Variants in MMP26 observed in about 807,000 individuals in gnomAD.
MMP26 encodes the protein matrix metallopeptidase 26, also known as matrix metalloproteinase-26.
A neutral mutation model predicts 31.0 loss-of-function variants in MMP26; 33 were observed. That is an observed-to-expected ratio of 1.06 (90% CI 0.81 to 1.42). The LOEUF (loss-of-function observed/expected upper bound fraction) is 1.42, where lower values mean the gene tolerates loss of function less well. MMP26 is among the 40% of genes most tolerant of loss of function. The pLI is 0.00. For missense variants in MMP26, 347 were observed against 316.1 expected, an observed-to-expected ratio of 1.10 and a Z score of -0.74; for synonymous variants, 122 against 114.9, an observed-to-expected ratio of 1.06 and a Z score of -0.40.
chr11:4,988,243 T>C lies in MMP26; in HGVS notation c.32T>C (p.Phe11Ser), dbSNP rs778363481. 1 of 1,614,120 alleles carries C rather than the reference T, an allele frequency of 6.2e-7. No homozygotes were observed. The highest frequency in any genetic ancestry group is 8.5e-7 in the Non-Finnish European group (1 of 1,180,014). Residue 11 changes from phenylalanine to serine, a missense_variant, in exon 3 of 8, where the codon TTC (phenylalanine) becomes TCC (serine). Phe to Ser is a radical substitution (Grantham distance 155). Coordinates refer to ENST00000380390, the MANE Select transcript of MMP26 (RefSeq NM_021801.5). ...CTCGTCATCTTAAGAGTTACTATCTTCTTGCCCTGGTGTTTCGCCGTTCCA... is the reference window on the plus strand; with the variant it reads ...CTCGTCATCTTAAGAGTTACTATCTCCTTGCCCTGGTGTTTCGCCGTTCCA... MQLVILRVTI[F>S]LPWCFAVPVP...
At chr11:4,925,528 G>A (rs1851257793) in intron 2 of MMP26, among the ~76,000 whole-genome samples, 1 of 152,126 alleles carries the variant, frequency 6.6e-6, no homozygotes, top group South Asian at 2.1e-4. Flanking sequence ...GATATTATAT[G>A]TAGCGATTGT....
chr11:4,821,514 C>T (rs1203723483), intron 2 of MMP26: 1 of 1,611,988 alleles, frequency 6.2e-7, no homozygotes. Context: ...GGATCTCCAT[C>T]CCTTTTTGTC....
intron 2 of MMP26, among the ~76,000 whole-genome samples, chr11:4,781,087 G>T (rs998418170): frequency 1.3e-5 from 2 of 152,044 alleles, no homozygotes; most frequent in African/African-American, 4.8e-5. Flanking sequence ...AAGTATAGGA[G>T]TTTACAGCTC....
intron 1 of MMP26, among the ~76,000 whole-genome samples, chr11:4,763,594 T>A (rs1237597148): frequency 6.6e-6 from 1 of 152,230 alleles, no homozygotes; most frequent in Admixed American, 6.5e-5. Flanking sequence ...AAATACTTCA[T>A]GAGAGTACAT....
chr11:4,722,567 C>T (rs1247562683), intron 1 of MMP26, among the ~76,000 whole-genome samples: 3 of 142,902 alleles, frequency 2.1e-5, no homozygotes, highest in Non-Finnish European at 4.5e-5. Flanking sequence ...GCTGGAGGCA[C>T]GGGCAAGGGG....
intron 2 of MMP26, among the ~76,000 whole-genome samples, chr11:4,983,983 G>A (rs1248241013): frequency 1.3e-5 from 2 of 152,126 alleles, no homozygotes; most frequent in Admixed American, 6.5e-5. Flanking sequence ...CAGCTGAATC[G>A]TTAATAAGTC....
intron 2 of MMP26, among the ~76,000 whole-genome samples, chr11:4,838,341 A>G (rs1172871877): frequency 7.4e-6 from 1 of 136,026 alleles, no homozygotes; most frequent in African/African-American, 3.1e-5. Flanking sequence ...AAAAAAAAAA[A>G]AAAAAAAAAA....
rs762946876 is a variant in MMP26, at chr11:4,991,515, G to T, written c.595+19G>T. 3.1e-6 allele frequency: 5 copies of T among 1,610,758 alleles called. No homozygotes were observed. In the Admixed American group the frequency reaches 6.7e-5, roughly 22 times the overall value. On this transcript the variant is annotated intron_variant, in intron 6 of 7. Coordinates refer to ENST00000380390, the MANE Select transcript of MMP26 (RefSeq NM_021801.5). ...GACACTGGTAAATGCCTTGTTTGGT[G>T]GGATCGCTAGAACTCTCTGGGAACC...
chr11:4,923,633 C>A, intron 2 of MMP26: 1 of 1,613,838 alleles, frequency 6.2e-7, no homozygotes, highest in Admixed American at 1.7e-5. Context: ...GGCTCGGAGT[C>A]GCTCCTGGTG....
intron 2 of MMP26, among the ~76,000 whole-genome samples, chr11:4,789,879 G>C (rs1410575206): frequency 6.6e-6 from 1 of 151,854 alleles, no homozygotes; most frequent in Non-Finnish European, 1.5e-5. Context: ...TGTTTACTTG[G>C]TTCAATAAAA....
At chr11:4,738,886 A>C (rs535938522) in intron 1 of MMP26, among the ~76,000 whole-genome samples, 31 of 152,358 alleles carry the variant, frequency 2.0e-4, no homozygotes, top group African/African-American at 7.5e-4. Context: ...TTTTATATAA[A>C]GAAATAATTC....
At chr11:4,944,729 T>A (rs1349383811) in intron 2 of MMP26, 1 of 152,118 alleles carries the variant, frequency 6.6e-6, no homozygotes, top group Non-Finnish European at 1.5e-5. Flanking sequence ...AGTTGGACAA[T>A]TTTTCAGCCA....
At chr11:4,763,969 A>T (rs557614216) in intron 1 of MMP26, among the ~76,000 whole-genome samples, 1 of 152,344 alleles carries the variant, frequency 6.6e-6, no homozygotes, top group East Asian at 1.9e-4. Context: ...TAATGCAATA[A>T]ACAGGAGAAT....
chr11:4,767,593 A>G (rs1425147656), intron 2 of MMP26, among the ~76,000 whole-genome samples: 3 of 152,232 alleles, frequency 2.0e-5, no homozygotes. Flanking sequence ...ATTAAATTGA[A>G]CAATGCTATT....
At chr11:4,705,268 G>A (rs1462020486) in intron 1 of MMP26, among the ~76,000 whole-genome samples, 1 of 151,980 alleles carries the variant, frequency 6.6e-6, no homozygotes, top group African/African-American at 2.4e-5. Flanking sequence ...TCATGCCACA[G>A]TAAAAAAAGA....
intron 1 of MMP26, chr11:4,709,625 C>T (rs1171725961): frequency 2.2e-6 from 1 of 456,926 alleles, no homozygotes; most frequent in Non-Finnish European, 4.4e-6. Context: ...TTACTGGCAT[C>T]CCTGGCCTTG....
intron 2 of MMP26, among the ~76,000 whole-genome samples, chr11:4,796,042 C>A (rs1366195631): frequency 6.6e-6 from 1 of 152,092 alleles, no homozygotes; most frequent in East Asian, 1.9e-4. Flanking sequence ...CAGGACAAGT[C>A]GCCACTCTGA....
rs572054328 is a variant in MMP26 at position 4,757,276 on chromosome 11, TGA to T, written c.-216-9993_-216-9992del. On this transcript the variant is annotated intron_variant, in intron 1 of 7. Coordinates refer to ENST00000380390, the MANE Select transcript of MMP26 (RefSeq NM_021801.5). ...GTGCTAGAACAATTAAATATCACTA[TGA>T]AAAAAAATAAATAACTTGGATTCTT... Among the ~76,000 whole-genome samples, 328 of 151,848 alleles carry T rather than the reference TGA, an allele frequency of 2.2e-3. 1 individual carries two copies. Among genetic ancestry groups the T allele is most frequent in the African/African-American group, 7.3e-3 (302 of 41,408 alleles).
At chr11:4,988,003 G>C (rs1846930983) in intron 2 of MMP26, 65 bp from the exon 3 acceptor site, 1 of 606,720 alleles carries the variant, frequency 1.6e-6, no homozygotes, top group Admixed American at 2.5e-5. Context: ...TGTGAACTGA[G>C]CTTAAAAATA....
Sources: gnomAD v4.1 joint callset for allele counts (sites outside exome capture counted in the v4.1 genomes callset) on GRCh38, gnomAD v4.1.1 for gene constraint, MANE v1.5 for transcripts, NCBI Gene and HGNC (gene_info 2026-07-23, HGNC 2026-07-21) for gene names.